MMP26: variants seen among roughly 807,000 people sequenced by gnomAD.
The protein encoded by MMP26 is matrix metalloproteinase-26.
A neutral mutation model predicts 31.0 loss-of-function variants in MMP26; 33 were observed. The ratio of observed to expected loss-of-function variants is 1.06; its 90% CI spans 0.81 to 1.42. MMP26 has a LOEUF of 1.42. Among genes scored for constraint, MMP26 ranks in the 40% most tolerant of loss-of-function variants. The pLI, the probability that MMP26 is intolerant of heterozygous loss-of-function variation, is 0.00. For synonymous variants in MMP26, 122 were observed against 114.9 expected, an observed-to-expected ratio of 1.06 and a Z score of -0.40; for missense variants, 347 against 316.1, an observed-to-expected ratio of 1.10 and a Z score of -0.74.
intron 2 of MMP26, among the ~76,000 whole-genome samples, chr11:4,879,132 G>T (rs1181000035): frequency 6.6e-6 from 1 of 152,088 alleles, no homozygotes; most frequent in Non-Finnish European, 1.5e-5. Flanking sequence ...TACTGGGGAG[G>T]CTGAGGCAGG....
At chr11:4,877,989 A>C (rs372953362) in intron 2 of MMP26, 1 of 152,152 alleles carries the variant, frequency 6.6e-6, no homozygotes, top group Non-Finnish European at 1.5e-5. Context: ...CAATTTTATC[A>C]CTTCCCCAAA....
chr11:4,866,820 A>T (rs559081571), intron 2 of MMP26, among the ~76,000 whole-genome samples: 18 of 152,312 alleles, frequency 1.2e-4, no homozygotes, highest in African/African-American at 4.1e-4. Context: ...CCTGACAAAA[A>T]TAAGCAATGG....
intron 2 of MMP26, among the ~76,000 whole-genome samples, chr11:4,932,161 C>A (rs116361065): frequency 4.6e-5 from 7 of 152,062 alleles, no homozygotes; most frequent in African/African-American, 1.7e-4. Flanking sequence ...CACAGACACA[C>A]AGGTGGAGGT....
At chr11:4,859,945 A>G (rs1466761109) in intron 2 of MMP26, 1 of 471,118 alleles carries the variant, frequency 2.1e-6, no homozygotes, top group Non-Finnish European at 4.4e-6. Flanking sequence ...CCCCAGTGTG[A>G]AGATGACGAC....
intron 2 of MMP26, among the ~76,000 whole-genome samples, chr11:4,822,849 T>G (rs1359077370): frequency 1.3e-5 from 2 of 152,150 alleles, no homozygotes; most frequent in East Asian, 3.9e-4. Flanking sequence ...TTGGGTCTTA[T>G]CTAGATGGAA....
At chr11:4,778,598 A>G (rs34238923) in intron 2 of MMP26, among the ~76,000 whole-genome samples, 14,404 of 152,060 alleles carry the variant, frequency 0.095, 854 homozygotes, top group Middle Eastern at 0.15. Context: ...TGCCTAGGCA[A>G]TTCTATATAC....
intron 2 of MMP26, chr11:4,937,677 A>AAGTC (rs1299190302): frequency 1.3e-5 from 2 of 155,030 alleles, no homozygotes; most frequent in African/African-American, 2.4e-5. Flanking sequence ...GCATAGTAGA[A>AAGTC]AGTCCTGCAC....
intron 1 of MMP26, among the ~76,000 whole-genome samples, chr11:4,750,591 A>T (rs1225947765): frequency 6.6e-6 from 1 of 152,072 alleles, no homozygotes; most frequent in Non-Finnish European, 1.5e-5. Flanking sequence ...ACTCAGTCAT[A>T]AAAAAGAATG....
At chr11:4,966,335 C>G (rs1441007662) in intron 2 of MMP26, among the ~76,000 whole-genome samples, 1 of 152,122 alleles carries the variant, frequency 6.6e-6, no homozygotes, top group Non-Finnish European at 1.5e-5. Context: ...CAGGTGTACT[C>G]TGGCCACACT....
intron 2 of MMP26, among the ~76,000 whole-genome samples, chr11:4,853,471 G>T (rs1850003766): frequency 6.6e-6 from 1 of 152,058 alleles, no homozygotes; most frequent in South Asian, 2.1e-4. Context: ...CCCTTAGCAA[G>T]CCTTAAAGAG....
Position 4,812,298 on chromosome 11 carries a change from CAT to C in MMP26, c.-145+44959_-145+44960del, listed in dbSNP as rs1218566610. On this transcript the variant is annotated intron_variant, in intron 2 of 7. Transcript: ENST00000380390. ...TATATAATATGTAACATAAATATTA[CAT>C]AGACATATATAATGCATTTGTACTA... 2.0e-5 allele frequency among the ~76,000 whole-genome samples: 3 copies of C among 151,818 alleles called. No individual in the cohort carries two copies. The East Asian group carries it at 5.8e-4, about 29-fold the overall frequency.
At chr11:4,730,193 T>C (rs1320634375) in intron 1 of MMP26, among the ~76,000 whole-genome samples, 1 of 152,162 alleles carries the variant, frequency 6.6e-6, no homozygotes, top group Non-Finnish European at 1.5e-5. Context: ...CTATTAGATA[T>C]GGGACATACG....
At chr11:4,885,974 A>T (rs1850540988) in intron 2 of MMP26, among the ~76,000 whole-genome samples, 1 of 152,084 alleles carries the variant, frequency 6.6e-6, no homozygotes, top group South Asian at 2.1e-4. Context: ...ACTCCATGAT[A>T]GTAGGCCTAT....
At chr11:4,719,450 A>G (rs1211162274) in intron 1 of MMP26, 1 of 153,760 alleles carries the variant, frequency 6.5e-6, no homozygotes, top group East Asian at 1.9e-4. Flanking sequence ...TTGATTGCCA[A>G]TGCCTACCTA....
chr11:4,940,561 C>A (rs1008840256), intron 2 of MMP26, among the ~76,000 whole-genome samples: 4 of 152,124 alleles, frequency 2.6e-5, no homozygotes, highest in Admixed American at 2.0e-4. Context: ...GGAAAGAATC[C>A]TTTAAGCTCC....
chr11:4,945,888 A>G lies in MMP26; in HGVS notation c.-144-42180A>G, dbSNP rs371490238. The G allele has an allele frequency of 1.8e-4, 81 of 439,204 alleles. No individual in the cohort carries two copies. In the East Asian group the frequency reaches 3.1e-3, roughly 17 times the overall value. 27.2% of individuals were successfully genotyped at this position (439,204 alleles called of 1,614,324 possible). A position where few individuals can be genotyped will look rare whatever the true frequency, so the allele number is the denominator to read the frequency against. The stretch of plus-strand genomic sequence containing the variant: ...TTCTGTCAGAGCTGTAAAAATTATC[A>G]TTTTTCTGTCTTGGTTGTAATTTGT... On this transcript the variant is annotated intron_variant, in intron 2 of 7. Coordinates refer to ENST00000380390, the MANE Select transcript of MMP26 (RefSeq NM_021801.5).
At chr11:4,758,463 T>C (rs564428159) in intron 1 of MMP26, among the ~76,000 whole-genome samples, 114 of 126,188 alleles carry the variant, frequency 9.0e-4, no homozygotes, top group African/African-American at 3.7e-3. Flanking sequence ...GATCATCCAT[T>C]TGGAAAAAAA....
intron 2 of MMP26, among the ~76,000 whole-genome samples, chr11:4,808,458 C>T (rs1849306950): frequency 6.6e-6 from 1 of 151,984 alleles, no homozygotes; most frequent in Non-Finnish European, 1.5e-5. Context: ...AGCTTGGCCT[C>T]CTGGTACTCT....
intron 2 of MMP26, chr11:4,907,721 A>T (rs1375534439): frequency 1.9e-6 from 3 of 1,613,816 alleles, no homozygotes; most frequent in African/African-American, 2.7e-5. Flanking sequence ...ACTTCTAATT[A>T]TGTCTTTGGA....
Sources: allele counts gnomAD v4.1 joint callset (sites outside exome capture counted in the v4.1 genomes callset), GRCh38; gene constraint gnomAD v4.1.1; transcripts MANE v1.5; gene names NCBI Gene and HGNC (gene_info 2026-07-23, HGNC 2026-07-21).